JARID2: variants seen among roughly 807,000 people sequenced by gnomAD.
JARID2 encodes protein Jumonji.
JARID2 carries 21 observed loss-of-function variants against 125.6 expected under a neutral mutation model. The observed-to-expected ratio is 0.17, with a 90% CI of 0.12 to 0.24. The LOEUF (loss-of-function observed/expected upper bound fraction) is 0.24, where lower values mean the gene tolerates loss of function less well. Ranked by LOEUF, JARID2 falls within the 10% of genes least tolerant of loss-of-function variation. JARID2 has a pLI of 1.00. For synonymous variants in JARID2, 736 were observed against 661.6 expected (o/e 1.11, Z -1.73); for missense variants, 1,303 against 1,639.6 (o/e 0.79, Z 3.55).
In JARID2 at chr6:15,353,490, C is replaced by G. The variant is rs116916718; in HGVS notation, c.46-20627C>G. ...GCTTATGTTATTTAGGAAAAAATAT[C>G]ATTATCGAGGAAGGTCTCTTTCTGA... is the stretch of plus-strand genomic sequence containing the variant. On this transcript the variant is annotated intron_variant, in intron 1 of 17. Coordinates refer to ENST00000341776, the MANE Select transcript of JARID2 (RefSeq NM_004973.4). Among the ~76,000 whole-genome samples the G allele has an allele frequency of 1.4e-3, 206 of 152,256 alleles. 5 individuals carry two copies. In the East Asian group the frequency reaches 0.032, roughly 23 times the overall value.
chr6:15,434,710 C>A (rs979036652), intron 3 of JARID2, among the ~76,000 whole-genome samples: 19 of 152,196 alleles, frequency 1.2e-4, no homozygotes, highest in Non-Finnish European at 2.4e-4. Flanking sequence ...TCACTAAATA[C>A]CCTTCTTGAT....
At chr6:15,334,443 A>G (rs568274677) in intron 1 of JARID2, among the ~76,000 whole-genome samples, 54 of 152,306 alleles carry the variant, frequency 3.5e-4, no homozygotes, top group African/African-American at 2.9e-4. Context: ...GATGCTTTTT[A>G]TATACCTTGA....
chr6:15,282,960 T>C lies in JARID2; in HGVS notation c.45+36376T>C, dbSNP rs367835719. ...GAGCACTTCATGTTCCTGAAATCTA[T>C]CTATCTATCTATTTTTTTATTTTTT... On this transcript the variant is annotated intron_variant, in intron 1 of 17. Transcript: ENST00000341776. Among the ~76,000 whole-genome samples, 13 of 151,492 alleles carry C rather than the reference T, an allele frequency of 8.6e-5. 1 individual carries two copies. Among genetic ancestry groups the C allele is most frequent in the Admixed American group, 6.6e-4 (10 of 15,194 alleles).
intron 3 of JARID2, among the ~76,000 whole-genome samples, chr6:15,431,051 A>G (rs1766946163): frequency 1.3e-5 from 2 of 152,116 alleles, no homozygotes; most frequent in South Asian, 4.1e-4. Flanking sequence ...GGCAAATACC[A>G]TTGTGTAATG....
rs1394586384 is a variant in JARID2 at position 15,521,615 on chromosome 6, AAAG to A, written c.*1365_*1367del. The A allele has an allele frequency of 7.2e-5, 11 of 152,216 alleles. No individual in the cohort carries two copies. The highest frequency in any genetic ancestry group is 2.7e-4 in the African/African-American group (11 of 41,452). The allele number at this position is 152,216 out of a possible 1,614,324, so 9.4% of individuals were successfully genotyped here. ...GTGTGTACAGTATGTGTGGAATAAA[AAAG>A]GGAAACTGTTTTCACAAGCTGTTCT... On this transcript the variant is annotated 3_prime_UTR_variant, in exon 18 of 18. Transcript: ENST00000341776.
At chr6:15,373,983 A>G (rs1414375158) in intron 1 of JARID2, 134 bp from the exon 2 acceptor site, 1 of 962,908 alleles carries the variant, frequency 1.0e-6, no homozygotes, top group East Asian at 2.4e-5. Context: ...TATGGGTGTA[A>G]TTCTGACATT....
intron 4 of JARID2, among the ~76,000 whole-genome samples, chr6:15,466,115 T>G (rs1768721018): frequency 6.6e-6 from 1 of 152,236 alleles, no homozygotes; most frequent in Non-Finnish European, 1.5e-5. Flanking sequence ...TATTGCTGTA[T>G]TTTTATATTG....
At chr6:15,464,713 CT>C (rs1252171423) in intron 4 of JARID2, among the ~76,000 whole-genome samples, 4 of 152,216 alleles carry the variant, frequency 2.6e-5, no homozygotes, top group Non-Finnish European at 4.4e-5. Flanking sequence ...TTTTCCCAGT[CT>C]TCCTTCCATT....
chr6:15,290,627 T>G (rs1295674200), intron 1 of JARID2, among the ~76,000 whole-genome samples: 1 of 152,194 alleles, frequency 6.6e-6, no homozygotes, highest in Non-Finnish European at 1.5e-5. Context: ...TGGATGTTTT[T>G]TTCCCCCCCA....
intron 1 of JARID2, among the ~76,000 whole-genome samples, chr6:15,303,261 G>T (rs1761698891): frequency 2.0e-5 from 3 of 152,240 alleles, no homozygotes; most frequent in African/African-American, 7.2e-5. Flanking sequence ...CCTCGAACTT[G>T]AACATTCATA....
rs187289652 is a variant in JARID2, at chr6:15,438,195, T to C, written c.324-13811T>C. On this transcript the variant is annotated intron_variant, in intron 3 of 17. Coordinates refer to ENST00000341776, the MANE Select transcript of JARID2 (RefSeq NM_004973.4). The stretch of plus-strand genomic sequence containing the variant: ...TCAGCAACCCTTCCCAGGACTGATA[T>C]ATGGCTGGGAGTGTGGAGTTTGGCA... Among the ~76,000 whole-genome samples the C allele has an allele frequency of 3.9e-3, 599 of 152,224 alleles. 13 individuals are homozygous for C. The highest frequency in any genetic ancestry group is 6.8e-3 in the Middle Eastern group (2 of 294).
At chr6:15,401,140 T>A in intron 2 of JARID2, 1 of 1,227,352 alleles carries the variant, frequency 8.1e-7, no homozygotes. Flanking sequence ...AAATCCATTG[T>A]GGATGGCAAG....
At chr6:15,436,868 A>T (rs1214289212) in intron 3 of JARID2, among the ~76,000 whole-genome samples, 1 of 151,708 alleles carries the variant, frequency 6.6e-6, no homozygotes, top group African/African-American at 2.4e-5. Context: ...AGTTATAATG[A>T]GTTCAGTTCA....
chr6:15,382,311 C>T (rs1764622114), intron 2 of JARID2, among the ~76,000 whole-genome samples: 1 of 152,124 alleles, frequency 6.6e-6, no homozygotes, highest in Non-Finnish European at 1.5e-5. Flanking sequence ...GTGCAGGAGG[C>T]TAGCAGGGAG....
intron 1 of JARID2, among the ~76,000 whole-genome samples, chr6:15,335,808 G>A (rs1436485992): frequency 6.6e-6 from 1 of 152,126 alleles, no homozygotes; most frequent in Non-Finnish European, 1.5e-5. Context: ...CCAGAGCATG[G>A]CCCCTTTGGC....
chr6:15,337,080 T>C (rs1762903579), intron 1 of JARID2, among the ~76,000 whole-genome samples: 1 of 152,192 alleles, frequency 6.6e-6, no homozygotes. Context: ...ACTGTCTCTC[T>C]TCCTGCCTCT....
intron 1 of JARID2, among the ~76,000 whole-genome samples, chr6:15,266,703 A>G (rs143437951): frequency 2.2e-4 from 34 of 152,288 alleles, no homozygotes; most frequent in African/African-American, 7.0e-4. Context: ...ATGTTTAAAC[A>G]TTTTTTGGGG....
intron 1 of JARID2, among the ~76,000 whole-genome samples, chr6:15,332,086 C>G (rs929335487): frequency 2.0e-5 from 3 of 151,822 alleles, no homozygotes; most frequent in Non-Finnish European, 4.4e-5. Context: ...GTGCCAAGCT[C>G]GAAACCAGTT....
chr6:15,394,523 C>T (rs530856995), intron 2 of JARID2, among the ~76,000 whole-genome samples: 194 of 152,170 alleles, frequency 1.3e-3, no homozygotes, highest in Non-Finnish European at 1.6e-3. Context: ...TGGTTGAGCC[C>T]GGAAGGTCGA....
Sources: allele counts gnomAD v4.1 joint callset (sites outside exome capture counted in the v4.1 genomes callset), GRCh38; gene constraint gnomAD v4.1.1; transcripts MANE v1.5; gene names NCBI Gene and HGNC (gene_info 2026-07-23, HGNC 2026-07-21).